RSRC1: variants seen among roughly 807,000 people sequenced by gnomAD.
RSRC1 encodes serine/Arginine-related protein 53.
A neutral mutation model predicts 49.1 loss-of-function variants in RSRC1; 39 were observed. The observed-to-expected ratio is 0.79, with a 90% CI of 0.61 to 1.04. The LOEUF is 1.04. RSRC1 is among the 50% of genes least tolerant of loss of function. The probability of loss-of-function intolerance (pLI) is 0.00; values close to 1 mark genes in which losing one functional copy is unlikely to be tolerated. For synonymous variants in RSRC1, 143 were observed against 130.8 expected, an observed-to-expected ratio of 1.09 and a Z score of -0.63; for missense variants, 388 against 402.4, an observed-to-expected ratio of 0.96 and a Z score of 0.31.
Position 158,543,401 on chromosome 3 carries a change from C to T in RSRC1, c.826C>T (p.Pro276Ser), listed in dbSNP as rs1713147972. 3 of 1,601,406 alleles carry T rather than the reference C, an allele frequency of 1.9e-6. No homozygotes were observed. Among genetic ancestry groups the T allele is most frequent in the Non-Finnish European group, 2.6e-6 (3 of 1,174,278 alleles). The change falls in exon 9 of 10, where the codon CCA becomes TCA. Residue 276 changes from proline (P) to serine (S), a missense_variant. Coordinates refer to ENST00000611884, the MANE Select transcript of RSRC1 (RefSeq NM_001271838.2). ...TSGPASAVAD[P>S]PSTEKEIDPT... ...AGGACCAGCATCAGCAGTTGCTGAT[C>T]CACCCAGTACTGAAAAAGAAATAGA...
chr3:158,179,850 G>A (rs1471248164), intron 3 of RSRC1, among the ~76,000 whole-genome samples: 1 of 152,068 alleles, frequency 6.6e-6, no homozygotes, highest in Non-Finnish European at 1.5e-5. Context: ...TAAATTCCCA[G>A]TAGCACTATA....
intron 7 of RSRC1, among the ~76,000 whole-genome samples, chr3:158,534,803 G>C (rs1332668646): frequency 2.0e-5 from 3 of 151,404 alleles, no homozygotes; most frequent in South Asian, 2.1e-4. Context: ...AGCTGCTATG[G>C]AGTGAGAGTG....
intron 4 of RSRC1, among the ~76,000 whole-genome samples, chr3:158,282,715 ATT>A (rs1190285078): frequency 1.3e-5 from 2 of 152,194 alleles, no homozygotes; most frequent in Non-Finnish European, 2.9e-5. Context: ...AAATATAAGA[ATT>A]TGCAGATTTT....
At chr3:158,402,756 C>A (rs1733960015) in intron 6 of RSRC1, among the ~76,000 whole-genome samples, 1 of 151,866 alleles carries the variant, frequency 6.6e-6, no homozygotes, top group African/African-American at 2.4e-5. Flanking sequence ...TTTGCTGACT[C>A]ATACTTCTAT....
intron 5 of RSRC1, among the ~76,000 whole-genome samples, chr3:158,334,876 A>G (rs1244324217): frequency 6.6e-6 from 1 of 152,110 alleles, no homozygotes. Context: ...AGCCATTACA[A>G]ATACATTGTG....
intron 7 of RSRC1, among the ~76,000 whole-genome samples, chr3:158,466,338 T>C (rs370850554): frequency 7.9e-5 from 12 of 152,228 alleles, no homozygotes; most frequent in African/African-American, 2.9e-4. Context: ...TATACTGATA[T>C]CTATTTAATC....
chr3:158,312,023 A>G (rs936565469), intron 5 of RSRC1, among the ~76,000 whole-genome samples: 2 of 152,134 alleles, frequency 1.3e-5, no homozygotes, highest in Non-Finnish European at 2.9e-5. Flanking sequence ...AAGGAAAAGC[A>G]AGTGGACATG....
At chr3:158,368,183 T>C (rs1051834082) in intron 6 of RSRC1, among the ~76,000 whole-genome samples, 7 of 152,210 alleles carry the variant, frequency 4.6e-5, no homozygotes, top group African/African-American at 1.4e-4. Flanking sequence ...GCTTGTGGGC[T>C]TTCTAGACTC....
At chr3:158,211,464 A>G (rs898578125) in intron 4 of RSRC1, among the ~76,000 whole-genome samples, 9 of 152,010 alleles carry the variant, frequency 5.9e-5, no homozygotes, top group African/African-American at 2.2e-4. Context: ...ATAACGTAAT[A>G]GATTCAAAAC....
chr3:158,130,408 T>C (rs1445234978), intron 3 of RSRC1, among the ~76,000 whole-genome samples: 1 of 152,232 alleles, frequency 6.6e-6, no homozygotes, highest in Non-Finnish European at 1.5e-5. Context: ...TATTTTAACA[T>C]TTTATTTTCC....
chr3:158,343,467 C>T (rs542137592), intron 5 of RSRC1, among the ~76,000 whole-genome samples: 10 of 151,986 alleles, frequency 6.6e-5, no homozygotes, highest in Middle Eastern at 3.4e-3. Context: ...GAAAATACAC[C>T]GTATGTTAAA....
At chr3:158,138,851 A>G (rs1283958260) in intron 3 of RSRC1, among the ~76,000 whole-genome samples, 1 of 152,206 alleles carries the variant, frequency 6.6e-6, no homozygotes, top group Non-Finnish European at 1.5e-5. Context: ...TACTTAAAAT[A>G]TTTAAGTAGT....
At chr3:158,371,233 G>A (rs1732058302) in intron 6 of RSRC1, among the ~76,000 whole-genome samples, 1 of 151,674 alleles carries the variant, frequency 6.6e-6, no homozygotes, top group South Asian at 2.1e-4. Context: ...TCTTAACAAT[G>A]TTTTTTAAAA....
chr3:158,133,648 C>T (rs955320369), intron 3 of RSRC1, among the ~76,000 whole-genome samples: 2 of 152,198 alleles, frequency 1.3e-5, no homozygotes, highest in African/African-American at 2.4e-5. Context: ...AGCAACAGCT[C>T]ACTTTCTGAA....
At position 158,398,980 on chromosome 3, in the gene RSRC1, T is replaced by TTG. The variant is rs953143108; in HGVS notation, c.583+44086_583+44087dup. ...TATATTTATCAATGTGTGTTTGTAT[T>TTG]TGTGTGTGTGTGTGTATTTGAATTA... On this transcript the variant is annotated intron_variant, in intron 6 of 9. Coordinates refer to ENST00000611884, the MANE Select transcript of RSRC1 (RefSeq NM_001271838.2). Among the ~76,000 whole-genome samples the TTG allele has an allele frequency of 3.0e-3, 442 of 146,974 alleles. 3 individuals are homozygous for TTG. The highest frequency in any genetic ancestry group is 9.0e-3 in the African/African-American group (370 of 41,150).
At chr3:158,132,140 C>T (rs1160706475) in intron 3 of RSRC1, 5 of 450,706 alleles carry the variant, frequency 1.1e-5, no homozygotes, top group Admixed American at 4.7e-5. Context: ...CACACCGCCA[C>T]ACCCAACTAT....
intron 5 of RSRC1, among the ~76,000 whole-genome samples, chr3:158,301,726 A>C (rs567778374): frequency 1.3e-5 from 2 of 152,322 alleles, no homozygotes; most frequent in African/African-American, 4.8e-5. Flanking sequence ...TATGTTATTC[A>C]TTTGAAATAT....
intron 4 of RSRC1, 51 bp downstream of exon 4, chr3:158,203,296 T>A (rs1331438611): frequency 1.3e-6 from 2 of 1,506,758 alleles, no homozygotes; most frequent in Non-Finnish European, 1.8e-6. Context: ...TCCATGGCGA[T>A]GTTCAAACTA....
Position 158,145,744 on chromosome 3 carries a change from T to C in RSRC1, c.320+21753T>C, listed in dbSNP as rs1369160987. The stretch of plus-strand genomic sequence containing the variant: ...GGGCAGTATGGCCATTTTCACGATA[T>C]TGCTTCTTCCTATCCATGAACATGG... On this transcript the variant is annotated intron_variant, in intron 3 of 9. Coordinates refer to ENST00000611884, the MANE Select transcript of RSRC1 (RefSeq NM_001271838.2). Among the ~76,000 whole-genome samples the C allele has an allele frequency of 4.6e-5, 7 of 152,232 alleles. No individual in the cohort carries two copies. In the East Asian group the frequency reaches 1.3e-3, roughly 29 times the overall value.
Sources: allele counts gnomAD v4.1 joint callset (sites outside exome capture counted in the v4.1 genomes callset), GRCh38; gene constraint gnomAD v4.1.1; transcripts MANE v1.5; gene names NCBI Gene and HGNC (gene_info 2026-07-23, HGNC 2026-07-21).